The following TTC17 variants were observed in gnomAD, a reference collection of about 807,000 sequenced individuals.
The protein encoded by TTC17 is tetratricopeptide repeat protein 17.
In TTC17, 58 loss-of-function variants were observed where a neutral mutation model predicts 143.8. That is an observed-to-expected ratio of 0.40 (90% CI 0.33 to 0.50). The LOEUF is 0.50. TTC17 is among the 20% of genes least tolerant of loss of function. The pLI is 0.49. For missense variants in TTC17, 1,273 were observed against 1,392.5 expected (o/e 0.91, Z 1.37); for synonymous variants, 501 against 497.8 (o/e 1.01, Z -0.09).
chr11:43,422,806 T>C (rs1178403886), intron 16 of TTC17, among the ~76,000 whole-genome samples: 1 of 152,098 alleles, frequency 6.6e-6, no homozygotes, highest in African/African-American at 2.4e-5. Context: ...GGTGAGGAAG[T>C]GAGGATGGCA....
intron 21 of TTC17, among the ~76,000 whole-genome samples, chr11:43,489,181 A>G (rs756433729): frequency 2.0e-4 from 30 of 152,354 alleles, no homozygotes; most frequent in Non-Finnish European, 2.9e-4. Flanking sequence ...TCCCTAAAAT[A>G]TAAAGAACTT....
Position 43,391,675 on chromosome 11 carries a change from C to G in TTC17, c.531+99C>G, listed in dbSNP as rs1857395466. 5 of 1,285,384 alleles carry G rather than the reference C, an allele frequency of 3.9e-6. No homozygotes were observed. The South Asian group carries it at 7.1e-5, about 18-fold the overall frequency. 79.6% of individuals were successfully genotyped at this position (1,285,384 alleles called of 1,614,324 possible). A position where few individuals can be genotyped will look rare whatever the true frequency, so the allele number is the denominator to read the frequency against. ...ACCATTTCTCTTTCTTCTCTCCTTC[C>G]TGACAGCTTTGTAATTTTATAGACA... On this transcript the variant is annotated intron_variant, in intron 4 of 23. Coordinates refer to ENST00000039989, the MANE Select transcript of TTC17 (RefSeq NM_018259.6).
intron 11 of TTC17, among the ~76,000 whole-genome samples, chr11:43,404,923 C>T (rs1311926538): frequency 2.6e-5 from 4 of 151,986 alleles, no homozygotes; most frequent in African/African-American, 9.7e-5. Context: ...GTGTTCAATG[C>T]CAGGTTTTAT....
At chr11:43,379,112 C>T (rs1338545946) in intron 1 of TTC17, 121 bp from the exon 2 acceptor site, 1 of 909,690 alleles carries the variant, frequency 1.1e-6, no homozygotes, top group Non-Finnish European at 1.7e-6. Flanking sequence ...TTGAGTTTTG[C>T]TGAGGAATAA....
Position 43,443,346 on chromosome 11 carries a change from A to G in TTC17, c.2273A>G (p.Asn758Ser), listed in dbSNP as rs370009171. ...TCAGGTACGGTGGTTGAGGAGAGCA[A>G]TGGTTCTGATGAGATGGAGAATTCA... ...VCSGTVVEES[N>S]GSDEMENSDE... The change falls in exon 17 of 24, where the codon AAT becomes AGT. Residue 758 changes from asparagine (N) to serine (S), a missense_variant. Asn to Ser is a conservative substitution (Grantham distance 46, BLOSUM62 1). Coordinates refer to ENST00000039989, the MANE Select transcript of TTC17 (RefSeq NM_018259.6). The G allele has an allele frequency of 7.6e-5, 123 of 1,613,942 alleles. No homozygotes were observed. The highest frequency in any genetic ancestry group is 1.6e-4 in the Middle Eastern group (1 of 6,082).
chr11:43,406,519 TG>T (rs1858142311), intron 13 of TTC17, among the ~76,000 whole-genome samples: 2 of 150,434 alleles, frequency 1.3e-5, no homozygotes, highest in African/African-American at 4.9e-5. Flanking sequence ...TAGATAAAAA[TG>T]AAAAAAAAAA....
At chr11:43,463,854 T>C (rs972834519) in intron 21 of TTC17, among the ~76,000 whole-genome samples, 38 of 152,328 alleles carry the variant, frequency 2.5e-4, no homozygotes, top group African/African-American at 9.1e-4. Context: ...TATTGCTGCA[T>C]GAATGCACAA....
intron 18 of TTC17, chr11:43,446,285 TCTTC>T (rs1386755699): frequency 1.4e-6 from 1 of 722,106 alleles, no homozygotes; most frequent in African/African-American, 1.8e-5. Context: ...AAGTGCCATC[TCTTC>T]CTTGTTACCT....
intron 21 of TTC17, among the ~76,000 whole-genome samples, chr11:43,478,767 G>A (rs1335569929): frequency 2.0e-5 from 3 of 152,124 alleles, no homozygotes; most frequent in African/African-American, 4.8e-5. Context: ...TAGTTAGGAC[G>A]ACAGGCACGG....
chr11:43,451,280 A>T lies in TTC17; in HGVS notation c.3030+15A>T. On this transcript the variant is annotated intron_variant, in intron 21 of 23. Transcript: ENST00000039989. ...TTTTGGAAAAGGTAAGTCACCCCAC[A>T]GAAAAGCTGGAAACAATTGCCCTCC... is the stretch of plus-strand genomic sequence containing the variant. 1 of 1,611,214 alleles carries T rather than the reference A, an allele frequency of 6.2e-7. No homozygotes were observed. Among genetic ancestry groups the T allele is most frequent in the East Asian group, 2.2e-5 (1 of 44,836 alleles).
chr11:43,407,606 G>C (rs779158230), intron 15 of TTC17, 29 bp downstream of exon 15: 4 of 1,576,274 alleles, frequency 2.5e-6, no homozygotes, highest in Non-Finnish European at 3.5e-6. Flanking sequence ...TCATAGTTCC[G>C]TATACTATGT....
intron 16 of TTC17, among the ~76,000 whole-genome samples, chr11:43,431,231 A>G (rs376063271): frequency 2.0e-5 from 3 of 152,332 alleles, no homozygotes; most frequent in East Asian, 3.9e-4. Context: ...TGCAGTAAAC[A>G]TACGTGTGCA....
chr11:43,456,109 C>A (rs1222350550), intron 21 of TTC17, among the ~76,000 whole-genome samples: 2 of 151,860 alleles, frequency 1.3e-5, no homozygotes, highest in South Asian at 2.1e-4. Flanking sequence ...CAGACTTGTG[C>A]AAACATTGGA....
At chr11:43,397,291 A>C (rs1857632506) in intron 6 of TTC17, 56 bp from the exon 7 acceptor site, 1 of 1,554,738 alleles carries the variant, frequency 6.4e-7, no homozygotes, top group African/African-American at 1.4e-5. Context: ...TTTGAATGTC[A>C]TTTTTCCTTG....
At chr11:43,365,680 A>G (rs1856309072) in intron 1 of TTC17, among the ~76,000 whole-genome samples, 1 of 152,198 alleles carries the variant, frequency 6.6e-6, no homozygotes, top group African/African-American at 2.4e-5. Flanking sequence ...TACAAAAATA[A>G]TTGGGGAATT....
chr11:43,394,548 T>C (rs1590348439), intron 5 of TTC17, among the ~76,000 whole-genome samples: 1 of 152,080 alleles, frequency 6.6e-6, no homozygotes, highest in African/African-American at 2.4e-5. Flanking sequence ...GAGTTAGATA[T>C]GGGGATTGAA....
At chr11:43,430,949 T>C (rs1159828586) in intron 16 of TTC17, among the ~76,000 whole-genome samples, 1 of 151,942 alleles carries the variant, frequency 6.6e-6, no homozygotes, top group Non-Finnish European at 1.5e-5. Context: ...CACCACCCCC[T>C]GATGTGTGAT....
At chr11:43,406,038 G>A (rs778357439) in intron 13 of TTC17, 87 bp downstream of exon 13, 2 of 1,428,086 alleles carry the variant, frequency 1.4e-6, no homozygotes, top group African/African-American at 2.9e-5. Flanking sequence ...TTGATAGAAG[G>A]TAGCTGTTGA....
At chr11:43,377,627 T>C (rs995692609) in intron 1 of TTC17, among the ~76,000 whole-genome samples, 2 of 152,198 alleles carry the variant, frequency 1.3e-5, no homozygotes, top group Non-Finnish European at 2.9e-5. Flanking sequence ...CTCCCTTCCT[T>C]CTGCTAATAA....
Sources: gnomAD v4.1 joint callset for allele counts (sites outside exome capture counted in the v4.1 genomes callset) on GRCh38, gnomAD v4.1.1 for gene constraint, MANE v1.5 for transcripts, NCBI Gene and HGNC (gene_info 2026-07-23, HGNC 2026-07-21) for gene names.